Variants in ARAP2 observed in about 807,000 individuals in gnomAD.
ARAP2 encodes arf-GAP with Rho-GAP domain, ANK repeat and PH domain-containing protein 2.
ARAP2 carries 148 observed loss-of-function variants against 194.5 expected under a neutral mutation model. The ratio of observed to expected loss-of-function variants is 0.76; its 90% CI spans 0.67 to 0.87. ARAP2 has a LOEUF of 0.87. Among genes scored for constraint, ARAP2 ranks in the 40% least tolerant of loss-of-function variants. ARAP2 has a pLI of 0.00. For missense variants in ARAP2, 2,128 were observed against 1,989.7 expected (o/e 1.07, Z -1.32); for synonymous variants, 695 against 683.5 (o/e 1.02, Z -0.26).
chr4:36,148,205 G>C (rs1459920391), intron 17 of ARAP2, among the ~76,000 whole-genome samples, 200 bp downstream of exon 17: 1 of 152,082 alleles, frequency 6.6e-6, no homozygotes, highest in African/African-American at 2.4e-5. Context: ...ATTTCTCCAA[G>C]TCTTACTTTA....
chr4:36,147,451 G>A, intron 18 of ARAP2, 92 bp from the exon 19 acceptor site: 1 of 1,559,018 alleles, frequency 6.4e-7, no homozygotes, highest in Non-Finnish European at 8.8e-7. Flanking sequence ...TTAGTCATAA[G>A]TTTGGGAGTA....
intron 15 of ARAP2, among the ~76,000 whole-genome samples, chr4:36,156,350 A>AGG (rs1553923157): frequency 2.8e-4 from 3 of 10,710 alleles, no homozygotes; most frequent in Middle Eastern, 0.045. Context: ...AGAGAGAGAG[A>AGG]GAGAGAGGGA....
chr4:36,046,314 G>A (rs1721824216), intron 4 of ARAP2, among the ~76,000 whole-genome samples: 1 of 152,050 alleles, frequency 6.6e-6, no homozygotes, highest in Non-Finnish European at 1.5e-5. Flanking sequence ...GAGTATCTGG[G>A]ACTACAGGCT....
chr4:36,101,201 C>T lies in ARAP2; in HGVS notation c.4285+6364G>A, dbSNP rs144076169. On this transcript the variant is annotated intron_variant, in intron 27 of 32. Transcript: ENST00000303965. The stretch of plus-strand genomic sequence containing the variant: ...TGCAGATTTTGGTATCCACGACAAG[C>T]AGGTGGCAGGGGGGAGACGTGGTAG... Among the ~76,000 whole-genome samples, 508 of 151,992 alleles carry T rather than the reference C, an allele frequency of 3.3e-3. 5 individuals carry two copies. The highest frequency in any genetic ancestry group is 2.0e-3 in the Non-Finnish European group (136 of 67,934).
chr4:36,219,030 A>C (rs1748597817), intron 2 of ARAP2, among the ~76,000 whole-genome samples: 1 of 152,214 alleles, frequency 6.6e-6, no homozygotes, highest in Non-Finnish European at 1.5e-5. Context: ...AAACCACAAC[A>C]AAATAACACT....
At chr4:36,047,636 C>G (rs1722043068) in intron 3 of ARAP2, among the ~76,000 whole-genome samples, 1 of 152,178 alleles carries the variant, frequency 6.6e-6, no homozygotes, top group South Asian at 2.1e-4. Flanking sequence ...CTGAATTCAA[C>G]TTATTCCTGA....
chr4:36,193,311 A>G (rs182208675), intron 7 of ARAP2, among the ~76,000 whole-genome samples: 1 of 152,314 alleles, frequency 6.6e-6, no homozygotes, highest in East Asian at 1.9e-4. Context: ...ATCTCCAAAT[A>G]ATGAGAAAAT....
intron 11 of ARAP2, 54 bp from the exon 12 acceptor site, chr4:36,161,604 T>C: frequency 6.8e-7 from 1 of 1,472,944 alleles, no homozygotes; most frequent in African/African-American, 1.4e-5. Flanking sequence ...AAATTTATTT[T>C]ACCTTGTTTT....
At position 36,147,740 on chromosome 4, in the gene ARAP2, C is replaced by T. The variant is rs769624960; in HGVS notation, c.3007G>A (p.Val1003Ile). The stretch of plus-strand genomic sequence containing the variant: ...GTTAAGTTTTCAGCAAATAAGGGAA[C>T]AAAATGCTGTTAAAACAAATACAAA... ...KWTEAIAKHF[V>I]PLFAENLTEA... The change falls in exon 18 of 33, where the codon GTT becomes ATT. Residue 1003 changes from valine to isoleucine, a missense_variant. Transcript: ENST00000303965. 1 of 1,602,526 alleles carries T rather than the reference C, an allele frequency of 6.2e-7. No individual in the cohort carries two copies. Among genetic ancestry groups the T allele is most frequent in the Admixed American group, 1.7e-5 (1 of 57,516 alleles).
At chr4:36,123,314 G>A (rs1560478283) in intron 22 of ARAP2, among the ~76,000 whole-genome samples, 1 of 151,706 alleles carries the variant, frequency 6.6e-6, no homozygotes, top group Non-Finnish European at 1.5e-5. Context: ...TACTCTTTTA[G>A]CTAGGGTAGG....
downstream of ARAP2, among the ~76,000 whole-genome samples, chr4:36,061,789 T>C (rs1412224560): frequency 1.3e-5 from 2 of 152,196 alleles, no homozygotes; most frequent in African/African-American, 4.8e-5. Context: ...AGTTTCCCTT[T>C]TCGCCACAAT....
At chr4:36,213,102 A>G (rs1283669496) in intron 4 of ARAP2, 141 bp downstream of exon 4, 1 of 650,560 alleles carries the variant, frequency 1.5e-6, no homozygotes, top group Non-Finnish European at 2.7e-6. Flanking sequence ...AATTTTACTG[A>G]ACAAAAATTT....
intron 9 of ARAP2, among the ~76,000 whole-genome samples, chr4:36,010,991 C>T (rs1714420564): frequency 6.6e-6 from 1 of 151,990 alleles, no homozygotes; most frequent in South Asian, 2.1e-4. Flanking sequence ...CCTTATAAGA[C>T]TTGAAGAACA....
At chr4:36,021,941 T>C (rs980279526) in intron 5 of ARAP2, among the ~76,000 whole-genome samples, 6 of 152,180 alleles carry the variant, frequency 3.9e-5, no homozygotes, top group African/African-American at 1.4e-4. Flanking sequence ...ACCTAGATGT[T>C]GTAGATCACT....
chr4:36,071,961 T>C (rs1269121825), intron 32 of ARAP2, among the ~76,000 whole-genome samples: 1 of 152,032 alleles, frequency 6.6e-6, no homozygotes, highest in Non-Finnish European at 1.5e-5. Flanking sequence ...TTTGGTTTTT[T>C]GTTCTTGAAA....
chr4:36,104,621 T>A (rs1383656089), intron 27 of ARAP2, among the ~76,000 whole-genome samples: 1 of 151,996 alleles, frequency 6.6e-6, no homozygotes. Context: ...CTTAAGAAAT[T>A]GATTTTTTAA....
At chr4:36,048,942 G>C (rs1426464005) in intron 3 of ARAP2, among the ~76,000 whole-genome samples, 1 of 151,990 alleles carries the variant, frequency 6.6e-6, no homozygotes, top group Non-Finnish European at 1.5e-5. Flanking sequence ...TCTTGTTGTG[G>C]TTGTGATTTG....
chr4:36,230,453 T>C (rs1751223855), intron 1 of ARAP2, among the ~76,000 whole-genome samples: 1 of 152,206 alleles, frequency 6.6e-6, no homozygotes, highest in South Asian at 2.1e-4. Context: ...ATACAAGATA[T>C]GACACTGAAT....
At chr4:36,228,168 A>G (rs530339760) in intron 2 of ARAP2, among the ~76,000 whole-genome samples, 6 of 152,332 alleles carry the variant, frequency 3.9e-5, no homozygotes, top group Admixed American at 3.9e-4. Flanking sequence ...GGTGCCAAGC[A>G]TTGTACCACG....
Sources: allele counts gnomAD v4.1 joint callset (sites outside exome capture counted in the v4.1 genomes callset), GRCh38; gene constraint gnomAD v4.1.1; transcripts MANE v1.5; gene names NCBI Gene and HGNC (gene_info 2026-07-23, HGNC 2026-07-21).